PPP1R12B: variants seen among roughly 807,000 people sequenced by gnomAD.
PPP1R12B encodes protein phosphatase 1 regulatory subunit 12B, also known as myosin phosphatase target subunit 2.
PPP1R12B carries 76 observed loss-of-function variants against 126.1 expected under a neutral mutation model. The ratio of observed to expected loss-of-function variants is 0.60; its 90% CI spans 0.50 to 0.73. The LOEUF (loss-of-function observed/expected upper bound fraction) is 0.73, where lower values mean the gene tolerates loss of function less well. PPP1R12B is among the 30% of genes least tolerant of loss of function. The probability of loss-of-function intolerance (pLI) is 0.00; values close to 1 mark genes in which losing one functional copy is unlikely to be tolerated. For missense variants in PPP1R12B, 1,052 were observed against 1,205.1 expected (o/e 0.87, Z 1.88); for synonymous variants, 356 against 434.7 (o/e 0.82, Z 2.25).
Position 202,508,596 on chromosome 1 carries a change from A to G in PPP1R12B, c.2490+11774A>G, listed in dbSNP as rs190911781. 6.6e-6 allele frequency among the ~76,000 whole-genome samples: 1 copy of G among 152,248 alleles called. No individual in the cohort carries two copies. The highest frequency in any genetic ancestry group is 1.5e-5 in the Non-Finnish European group (1 of 68,044). On this transcript the variant is annotated intron_variant, in intron 18 of 23. Coordinates refer to ENST00000608999, the MANE Select transcript of PPP1R12B (RefSeq NM_002481.4). The surrounding 1 kb of genome is among the most constrained non-coding windows in gnomAD (Gnocchi z 4.5). ...TGAGTATTATGTCACCAAATAAAAC[A>G]TTGTATACTTTAAGATGGCATTTTA...
At position 202,467,832 on chromosome 1, in the gene PPP1R12B, T is replaced by C. The variant is rs1675250361; in HGVS notation, c.1850+18661T>C. On this transcript the variant is annotated intron_variant, in intron 13 of 23. Transcript: ENST00000608999. ...CCACAATGGCTGAACTAGTTTACAG[T>C]CCCACCAACAGTGTAAAAGTGTTCC... Among the ~76,000 whole-genome samples, 6 of 152,326 alleles carry C rather than the reference T, an allele frequency of 3.9e-5. No individual in the cohort carries two copies. The South Asian group carries it at 1.2e-3, about 32-fold the overall frequency.
intron 1 of PPP1R12B, among the ~76,000 whole-genome samples, chr1:202,410,724 C>A (rs1248039904): frequency 2.6e-5 from 4 of 152,190 alleles, no homozygotes; most frequent in African/African-American, 9.7e-5. Flanking sequence ...CATTGCCAGA[C>A]AAATGTGACA....
intron 10 of PPP1R12B, 154 bp downstream of exon 10, chr1:202,438,178 C>G (rs1203605959): frequency 5.1e-6 from 8 of 1,558,422 alleles, no homozygotes; most frequent in Non-Finnish European, 6.9e-6. Flanking sequence ...ATAGTTTATT[C>G]AAGTAGCTAT....
At chr1:202,395,821 A>G (rs1400492130) in intron 1 of PPP1R12B, among the ~76,000 whole-genome samples, 1 of 152,112 alleles carries the variant, frequency 6.6e-6, no homozygotes, top group Non-Finnish European at 1.5e-5. Flanking sequence ...TTATCTGGCA[A>G]CGTCCTAACT....
chr1:202,385,636 C>A (rs1662990366), intron 1 of PPP1R12B, among the ~76,000 whole-genome samples: 1 of 152,230 alleles, frequency 6.6e-6, no homozygotes, highest in Middle Eastern at 3.4e-3. Flanking sequence ...TAGAGCTCAA[C>A]CCTCTCATTT....
chr1:202,575,078 C>T, intron 23 of PPP1R12B: 3 of 1,613,508 alleles, frequency 1.9e-6, no homozygotes, highest in Non-Finnish European at 1.7e-6. Context: ...AGGGCCCTGA[C>T]CCGAGTGGTG....
chr1:202,420,937 A>G (rs1289756746), intron 2 of PPP1R12B, among the ~76,000 whole-genome samples: 1 of 146,338 alleles, frequency 6.8e-6, no homozygotes, highest in Non-Finnish European at 1.5e-5. Flanking sequence ...GTCTTAATCT[A>G]ATCTCTATTG....
intron 13 of PPP1R12B, among the ~76,000 whole-genome samples, chr1:202,471,326 G>T (rs1223549282): frequency 6.6e-6 from 1 of 150,850 alleles, no homozygotes; most frequent in Non-Finnish European, 1.5e-5. Context: ...TGTGCTGATG[G>T]ACATTTAGGT....
intron 18 of PPP1R12B, among the ~76,000 whole-genome samples, chr1:202,543,530 A>G (rs1340202668): frequency 1.3e-5 from 2 of 152,172 alleles, no homozygotes; most frequent in Admixed American, 6.5e-5. Flanking sequence ...CCACGAGGTC[A>G]GGAGTTCGAG....
At chr1:202,469,376 T>G (rs1184853865) in intron 13 of PPP1R12B, among the ~76,000 whole-genome samples, 3 of 152,182 alleles carry the variant, frequency 2.0e-5, no homozygotes, top group African/African-American at 7.2e-5. Flanking sequence ...CAGTGAGTTT[T>G]AAAAATAACT....
chr1:202,488,683 A>G (rs1010928366), intron 14 of PPP1R12B, 60 bp downstream of exon 14: 18 of 1,360,680 alleles, frequency 1.3e-5, no homozygotes, highest in Admixed American at 3.9e-5. Context: ...TGGAGGTACA[A>G]TCAAAACACA....
chr1:202,495,101 T>G (rs1001958163), intron 15 of PPP1R12B, among the ~76,000 whole-genome samples, 192 bp from the exon 16 acceptor site: 3 of 151,816 alleles, frequency 2.0e-5, no homozygotes, highest in Non-Finnish European at 4.4e-5. Flanking sequence ...CAGCTGTGTT[T>G]TTTTTTTTTT....
chr1:202,352,427 A>G (rs1472545142), intron 1 of PPP1R12B, among the ~76,000 whole-genome samples: 2 of 152,180 alleles, frequency 1.3e-5, no homozygotes, highest in African/African-American at 4.8e-5. Flanking sequence ...ATTAAAATGA[A>G]TGCTTACTTA....
Position 202,567,820 on chromosome 1 carries a change from A to T in PPP1R12B, c.2800A>T (p.Met934Leu). ...CTCTGACCGATCATCAGTGCTGGAG[A>T]TGGAGAAACGGGTATGCGCATGTCT... The part of the protein sequence containing the change: ...KTSDRSSVLE[M>L]EKRERRALER... The change falls in exon 22 of 24, where the codon ATG becomes TTG. Residue 934 changes from methionine (M) to leucine (L), a missense_variant. Physicochemically the swap from Met to Leu is conservative, Grantham distance 15. Coordinates refer to ENST00000608999, the MANE Select transcript of PPP1R12B (RefSeq NM_002481.4). 6.2e-7 allele frequency: 1 copy of T among 1,614,060 alleles called. No homozygotes were observed. The highest frequency in any genetic ancestry group is 8.5e-7 in the Non-Finnish European group (1 of 1,179,940).
intron 1 of PPP1R12B, among the ~76,000 whole-genome samples, chr1:202,368,484 G>C (rs577114153): frequency 6.6e-6 from 1 of 152,032 alleles, no homozygotes; most frequent in East Asian, 1.9e-4. Context: ...GTCAGCCTCA[G>C]GTATTTCTTT....
rs1004691206 is a variant in PPP1R12B at position 202,583,602 on chromosome 1, G to A, written c.*3042G>A. On this transcript the variant is annotated 3_prime_UTR_variant, in exon 24 of 24. Transcript: ENST00000608999. ...CCATTCCTTCACAACTGTATTGTCTGGAAGCCCCATGAGATGGTAATTATA... is the reference window on the plus strand; with the variant it reads ...CCATTCCTTCACAACTGTATTGTCTAGAAGCCCCATGAGATGGTAATTATA... 9.9e-5 allele frequency: 15 copies of A among 152,168 alleles called. No homozygotes were observed. Among genetic ancestry groups the A allele is most frequent in the Admixed American group, 2.0e-4 (3 of 15,284 alleles). The allele number at this position is 152,168 out of a possible 1,614,324, so 9.4% of individuals were successfully genotyped here.
At chr1:202,358,717 G>T (rs552349435) in intron 1 of PPP1R12B, among the ~76,000 whole-genome samples, 1 of 151,564 alleles carries the variant, frequency 6.6e-6, no homozygotes, top group South Asian at 2.1e-4. Flanking sequence ...TGAGTTTTCA[G>T]TATTGGAAAT....
At position 202,449,045 on chromosome 1, in the gene PPP1R12B, C is replaced by A. The variant is rs796339366; in HGVS notation, c.1724C>A (p.Ser575Tyr). ...TTAEKTADNV[S>Y]SSTPLCVITN... ...GCAGAGAAAACAGCAGACAATGTCT[C>A]TTCTAGCACCCCGCTCTGTGTGATC... Residue 575 changes from serine to tyrosine, a missense_variant, in exon 13 of 24, where the codon TCT (serine) becomes TAT (tyrosine). By Grantham distance (144) the Ser-to-Tyr change is moderately radical. Coordinates refer to ENST00000608999, the MANE Select transcript of PPP1R12B (RefSeq NM_002481.4). The A allele has an allele frequency of 1.2e-6, 2 of 1,613,930 alleles. No individual in the cohort carries two copies. The highest frequency in any genetic ancestry group is 4.5e-5 in the East Asian group (2 of 44,866).
At position 202,495,628 on chromosome 1, in the gene PPP1R12B, G is replaced by GA; in HGVS notation, c.2395dup (p.Arg799LysfsTer19). 6.2e-7 allele frequency: 1 copy of GA among 1,614,156 alleles called. No individual in the cohort carries two copies. Among genetic ancestry groups the GA allele is most frequent in the Non-Finnish European group, 8.5e-7 (1 of 1,180,016 alleles). ...CTAAGAGGCTGTCCATCCGAGAGAG[G>GA]AGGCGGCCCAAGGAACGACGAAGAG... On this transcript the variant is annotated frameshift_variant, in exon 17 of 24. Transcript: ENST00000608999. LOFTEE classifies it high-confidence loss of function.
Sources: gnomAD v4.1 joint callset for allele counts (sites outside exome capture counted in the v4.1 genomes callset) on GRCh38, gnomAD v4.1.1 for gene constraint, Gnocchi (gnomAD v3.1) non-coding constraint, MANE v1.5 for transcripts, NCBI Gene and HGNC (gene_info 2026-07-23, HGNC 2026-07-21) for gene names.